Variants in SLC35G1 observed in about 807,000 individuals in gnomAD.
SLC35G1 encodes the protein partner of STIM1.
Under a neutral mutation model 17.1 loss-of-function variants are expected in SLC35G1, and 10 were observed. The ratio of observed to expected loss-of-function variants is 0.59; its 90% CI spans 0.36 to 0.99. SLC35G1 has a LOEUF of 0.99. Ranked by LOEUF, SLC35G1 falls within the 50% of genes least tolerant of loss-of-function variation. The pLI, the probability that SLC35G1 is intolerant of heterozygous loss-of-function variation, is 0.01. For missense variants in SLC35G1, 433 were observed against 468.4 expected (o/e 0.92, Z 0.70); for synonymous variants, 185 against 181.1 (o/e 1.02, Z -0.18).
chr10:93,895,395 A>G (rs1233614443), intron 1 of SLC35G1, among the ~76,000 whole-genome samples: 1 of 152,210 alleles, frequency 6.6e-6, no homozygotes, highest in African/African-American at 2.4e-5. Context: ...TGAAAAGGTC[A>G]GTTTCTCACC....
At chr10:93,894,428 G>GT (rs2060310046) in intron 1 of SLC35G1, among the ~76,000 whole-genome samples, 1 of 152,150 alleles carries the variant, frequency 6.6e-6, no homozygotes, top group Non-Finnish European at 1.5e-5. Context: ...CTTTCCGATT[G>GT]TTAGCAGTCC....
chr10:93,906,701 A>T (rs890162), downstream of SLC35G1, among the ~76,000 whole-genome samples: 11 of 152,050 alleles, frequency 7.2e-5, no homozygotes, highest in Admixed American at 6.5e-4. Flanking sequence ...GATAAAATTC[A>T]CAAAAATTAG....
At chr10:93,898,472 G>C in intron 1 of SLC35G1, 99 bp from the exon 2 acceptor site, 2 of 1,178,818 alleles carry the variant, frequency 1.7e-6, no homozygotes, top group Non-Finnish European at 2.4e-6. Flanking sequence ...AATAAAGCCT[G>C]TTGACCTTTG....
chr10:93,893,995 C>G lies in SLC35G1; in HGVS notation c.-39C>G. The G allele has an allele frequency of 3.7e-6, 5 of 1,340,270 alleles. No individual in the cohort carries two copies. The South Asian group carries it at 7.5e-5, about 20-fold the overall frequency. The allele number at this position is 1,340,270 out of a possible 1,614,324, so 83.0% of individuals were successfully genotyped here. A position where few individuals can be genotyped will look rare whatever the true frequency, so the allele number is the denominator to read the frequency against. Reference sequence around the variant, plus strand: ...GGCAGCCCAGGCGCTGCTGCTGGCGCCAGACGGCACCGGCCGCTGGTAGAG... The same window carrying G: ...GGCAGCCCAGGCGCTGCTGCTGGCGGCAGACGGCACCGGCCGCTGGTAGAG... On this transcript the variant is annotated 5_prime_UTR_variant, in exon 1 of 3. Transcript: ENST00000427197.
chr10:93,901,345 A>C lies in SLC35G1; in HGVS notation c.953A>C (p.Lys318Thr). Residue 318 changes from lysine (K) to threonine (T), a missense_variant, in exon 3 of 3, where the codon AAG (lysine) becomes ACG (threonine). Lys to Thr is a moderately conservative substitution (Grantham distance 78, BLOSUM62 -1). Transcript: ENST00000427197. ...IEKAGPVAIM[K>T]TMDVVFAFIF... is the part of the protein sequence containing the mutation. Reference sequence around the variant, plus strand: ...AAAGCAGGGCCAGTAGCAATAATGAAGACAATGGATGTGGTCTTTGCTTTT... The same window carrying C: ...AAAGCAGGGCCAGTAGCAATAATGACGACAATGGATGTGGTCTTTGCTTTT... 6.2e-7 allele frequency: 1 copy of C among 1,614,084 alleles called. No individual in the cohort carries two copies. The highest frequency in any genetic ancestry group is 8.5e-7 in the Non-Finnish European group (1 of 1,179,974).
exon 3 of SLC35G1, chr10:93,909,003 G>C: frequency 6.6e-6 from 1 of 152,208 alleles, no homozygotes. Context: ...TTGCTCCATT[G>C]TAGAGATGAG....
At position 93,901,615 on chromosome 10, in the gene SLC35G1, A is replaced by G. The variant is rs1048025572; in HGVS notation, c.*125A>G. 22 of 1,106,166 alleles carry G rather than the reference A, an allele frequency of 2.0e-5. No homozygotes were observed. Among genetic ancestry groups the G allele is most frequent in the African/African-American group, 1.6e-5 (1 of 62,266 alleles). 68.5% of individuals were successfully genotyped at this position (1,106,166 alleles called of 1,614,324 possible). ...TTGTATTTAATAAATTGCCTAAAGT[A>G]CCATTTTTGAATATAGTATGTCTTT... On this transcript the variant is annotated 3_prime_UTR_variant, in exon 3 of 3. Transcript: ENST00000427197.
downstream of SLC35G1, among the ~76,000 whole-genome samples, chr10:93,905,339 G>A (rs2060421778): frequency 6.6e-6 from 1 of 152,042 alleles, no homozygotes; most frequent in Non-Finnish European, 1.5e-5. Flanking sequence ...TATGGGTGAA[G>A]GTTGGATATA....
At chr10:93,897,130 T>C (rs1014288551) in intron 1 of SLC35G1, among the ~76,000 whole-genome samples, 16 of 152,194 alleles carry the variant, frequency 1.1e-4, no homozygotes, top group African/African-American at 3.9e-4. Flanking sequence ...TTCTGGCATC[T>C]TAAGGGAAGG....
At position 93,894,053 on chromosome 10, in the gene SLC35G1, C is replaced by G; in HGVS notation, c.20C>G (p.Thr7Ser). Residue 7 changes from threonine to serine, a missense_variant, in exon 1 of 3, where the codon ACC becomes AGC. Physicochemically the swap from Thr to Ser is moderately conservative, Grantham distance 58. Coordinates refer to ENST00000427197, the MANE Select transcript of SLC35G1 (RefSeq NM_001134658.3). The part of the protein sequence containing the change: MRPQDS[T>S]GVAELQEPGL... ...CGCGAGATGCGGCCTCAGGACAGCACCGGGGTCGCGGAGCTCCAGGAGCCC... is the reference window on the plus strand; with the variant it reads ...CGCGAGATGCGGCCTCAGGACAGCAGCGGGGTCGCGGAGCTCCAGGAGCCC... The G allele has an allele frequency of 1.4e-6, 2 of 1,481,282 alleles. No homozygotes were observed. Among genetic ancestry groups the G allele is most frequent in the Non-Finnish European group, 1.8e-6 (2 of 1,124,162 alleles). 91.8% of individuals were successfully genotyped at this position (1,481,282 alleles called of 1,614,324 possible). A position where few individuals can be genotyped will look rare whatever the true frequency, so the allele number is the denominator to read the frequency against.
exon 3 of SLC35G1, chr10:93,908,961 G>A (rs985034266): frequency 3.9e-5 from 6 of 152,238 alleles, no homozygotes; most frequent in African/African-American, 1.2e-4. Context: ...GCCAGGCTCA[G>A]GAGAAAGGAC....
At position 93,901,583 on chromosome 10, in the gene SLC35G1, T is replaced by A; in HGVS notation, c.*93T>A. The A allele has an allele frequency of 7.3e-7, 1 of 1,367,320 alleles. No homozygotes were observed. The allele number at this position is 1,367,320 out of a possible 1,614,324, so 84.7% of individuals were successfully genotyped here. A position where few individuals can be genotyped will look rare whatever the true frequency, so the allele number is the denominator to read the frequency against. The stretch of plus-strand genomic sequence containing the variant: ...CACATCTGGAAAATCTGCATTTTCT[T>A]CATTGGTTGTATTTAATAAATTGCC... On this transcript the variant is annotated 3_prime_UTR_variant, in exon 3 of 3. Transcript: ENST00000427197.
At chr10:93,906,634 A>G (rs535832424), downstream of SLC35G1, among the ~76,000 whole-genome samples, 1 of 152,342 alleles carries the variant, frequency 6.6e-6, no homozygotes, top group Admixed American at 6.5e-5. Context: ...ACACCTCAAA[A>G]GAACAAAAAT....
chr10:93,894,233 G>A (rs1589798002), intron 1 of SLC35G1, 22 bp downstream of exon 1: 11 of 1,337,336 alleles, frequency 8.2e-6, no homozygotes, highest in Admixed American at 3.9e-5. Context: ...GTGTGGATCG[G>A]GCTCTGGTCT....
chr10:93,901,529 C>A lies in SLC35G1; in HGVS notation c.*39C>A. ...AAATACATATTTTTTTCAAGTACAC[C>A]ATCACCTAATTCACATACAGCATAC... On this transcript the variant is annotated 3_prime_UTR_variant, in exon 3 of 3. Transcript: ENST00000427197. 6.5e-7 allele frequency: 1 copy of A among 1,543,238 alleles called. No individual in the cohort carries two copies. The highest frequency in any genetic ancestry group is 1.3e-5 in the South Asian group (1 of 77,104).
At position 93,901,153 on chromosome 10, in the gene SLC35G1, G is replaced by A; in HGVS notation, c.761G>A (p.Ser254Asn). Residue 254 changes from serine (S) to asparagine (N), a missense_variant, in exon 3 of 3, where the codon AGC (serine) becomes AAC (asparagine). Transcript: ENST00000427197. ...GGAAAATCTGTGGACTACTTTCTGA[G>A]CATTTGGTATTATGTAGTACTTGGC... ...KMGKSVDYFL[S>N]IWYYVVLGLV... 1 of 1,614,080 alleles carries A rather than the reference G, an allele frequency of 6.2e-7. No homozygotes were observed. Among genetic ancestry groups the A allele is most frequent in the Non-Finnish European group, 8.5e-7 (1 of 1,179,974 alleles).
chr10:93,905,630 C>G (rs190469421), downstream of SLC35G1, among the ~76,000 whole-genome samples: 166 of 152,184 alleles, frequency 1.1e-3, 1 homozygote, highest in Admixed American at 1.9e-3. Context: ...TACTTGGTAT[C>G]AAGGGAGGGC....
chr10:93,901,522 A>G lies in SLC35G1; in HGVS notation c.*32A>G, dbSNP rs768055407. 3.9e-6 allele frequency: 6 copies of G among 1,550,214 alleles called. No individual in the cohort carries two copies. The highest frequency in any genetic ancestry group is 2.3e-5 in the East Asian group (1 of 44,384). ...ATTGCTGAAATACATATTTTTTTCA[A>G]GTACACCATCACCTAATTCACATAC... is the stretch of plus-strand genomic sequence containing the variant. On this transcript the variant is annotated 3_prime_UTR_variant, in exon 3 of 3. Transcript: ENST00000427197.
At position 93,896,392 on chromosome 10, in the gene SLC35G1, C is replaced by G. The variant is rs553737732; in HGVS notation, c.179-2179C>G. The stretch of plus-strand genomic sequence containing the variant: ...AGGATAGAGAAGCTGAGTAATTTTT[C>G]AGTTTTCTTCTAAGTGAGGAAATTA... On this transcript the variant is annotated intron_variant, in intron 1 of 2. Transcript: ENST00000427197. 3.9e-5 allele frequency among the ~76,000 whole-genome samples: 6 copies of G among 152,270 alleles called. No homozygotes were observed. The South Asian group carries it at 1.2e-3, about 32-fold the overall frequency.
Sources: gnomAD v4.1 joint callset for allele counts (sites outside exome capture counted in the v4.1 genomes callset) on GRCh38, gnomAD v4.1.1 for gene constraint, MANE v1.5 for transcripts, NCBI Gene and HGNC (gene_info 2026-07-23, HGNC 2026-07-21) for gene names.